The following CEP63 variants were observed in gnomAD, a reference collection of about 807,000 sequenced individuals.
CEP63 encodes centrosomal protein 63.
A neutral mutation model predicts 89.1 loss-of-function variants in CEP63; 84 were observed. That is an observed-to-expected ratio of 0.94 (90% CI 0.79 to 1.13). The LOEUF (loss-of-function observed/expected upper bound fraction) is 1.13. CEP63 is among the 50% of genes most tolerant of loss of function. CEP63 has a pLI of 0.00. For missense variants in CEP63, 838 were observed against 813.3 expected, an observed-to-expected ratio of 1.03 and a Z score of -0.37; for synonymous variants, 267 against 272.5, an observed-to-expected ratio of 0.98 and a Z score of 0.20.
downstream of CEP63, among the ~76,000 whole-genome samples, chr3:134,569,861 G>A (rs887126242): frequency 2.0e-5 from 3 of 152,202 alleles, no homozygotes; most frequent in Non-Finnish European, 4.4e-5. Flanking sequence ...ATATGCAAGC[G>A]TTTCTATACA....
intron 2 of CEP63, among the ~76,000 whole-genome samples, chr3:134,497,230 C>G (rs1940405290): frequency 6.6e-6 from 1 of 152,104 alleles, no homozygotes; most frequent in Admixed American, 6.6e-5. Flanking sequence ...GTCTTTGACT[C>G]TATTGTTTCC....
At chr3:134,753,572 C>A in the CEP63 span, among the ~76,000 whole-genome samples, 1 of 152,216 alleles carries the variant, frequency 6.6e-6, no homozygotes, top group Admixed American at 6.5e-5. Context: ...CAAGCAAGCA[C>A]CTCATGATTT....
the CEP63 span, chr3:134,604,521 T>C: frequency 6.8e-7 from 1 of 1,475,490 alleles, no homozygotes; most frequent in Non-Finnish European, 9.2e-7. Flanking sequence ...CAGCACGTGC[T>C]GATGTGCTGG....
the CEP63 span, among the ~76,000 whole-genome samples, chr3:134,768,534 C>T: frequency 2.6e-5 from 4 of 152,172 alleles, no homozygotes; most frequent in African/African-American, 7.2e-5. Context: ...TCAGCATTGG[C>T]ATACCTTCTC....
the CEP63 span, among the ~76,000 whole-genome samples, chr3:134,657,526 T>G: frequency 6.6e-6 from 1 of 152,240 alleles, no homozygotes; most frequent in Non-Finnish European, 1.5e-5. Flanking sequence ...TTTAAAAGAT[T>G]GCTTAGTCAC....
the CEP63 span, among the ~76,000 whole-genome samples, chr3:134,700,865 T>G: frequency 6.6e-6 from 1 of 152,096 alleles, no homozygotes; most frequent in African/African-American, 2.4e-5. Context: ...ACCAGCTCCT[T>G]CTTGGCTCCC....
chr3:134,679,184 AT>A, the CEP63 span, among the ~76,000 whole-genome samples: 3 of 152,214 alleles, frequency 2.0e-5, no homozygotes, highest in Admixed American at 6.5e-5. Context: ...TAATGCTGCC[AT>A]TTATTTGCTT....
At chr3:134,487,136 T>C (rs1281388501) in intron 1 of CEP63, among the ~76,000 whole-genome samples, 1 of 152,244 alleles carries the variant, frequency 6.6e-6, no homozygotes, top group Non-Finnish European at 1.5e-5. Context: ...CCTGTATTTA[T>C]ACAGTTCCTC....
At chr3:134,678,477 C>T in the CEP63 span, among the ~76,000 whole-genome samples, 1 of 152,142 alleles carries the variant, frequency 6.6e-6, no homozygotes, top group African/African-American at 2.4e-5. Flanking sequence ...GTTCCTGGTG[C>T]CTAGTGTAAT....
At chr3:134,537,296 A>C (rs1377132454) in intron 6 of CEP63, 28 bp downstream of exon 6, 2 of 1,410,848 alleles carry the variant, frequency 1.4e-6, no homozygotes, top group South Asian at 2.3e-5. Context: ...TAAAATAATG[A>C]GAAGCAGATA....
At chr3:134,592,491 T>C (rs1225751980), downstream of CEP63, among the ~76,000 whole-genome samples, 1 of 150,674 alleles carries the variant, frequency 6.6e-6, no homozygotes, top group Non-Finnish European at 1.5e-5. Context: ...TGTGTGTGTG[T>C]GTGTGTGTGT....
chr3:134,764,952 C>T, the CEP63 span, among the ~76,000 whole-genome samples: 139 of 152,266 alleles, frequency 9.1e-4, no homozygotes, highest in Admixed American at 1.2e-3. Context: ...AATCCTTTAA[C>T]GTTTTCACTC....
At chr3:134,662,857 G>A in the CEP63 span, among the ~76,000 whole-genome samples, 2 of 152,332 alleles carry the variant, frequency 1.3e-5, no homozygotes, top group Middle Eastern at 3.4e-3. Context: ...GCCAGGTTGT[G>A]CCTGTTTGAC....
chr3:134,638,618 C>A, the CEP63 span, among the ~76,000 whole-genome samples: 2 of 152,376 alleles, frequency 1.3e-5, no homozygotes, highest in African/African-American at 4.8e-5. Flanking sequence ...TCCCTGGCCC[C>A]TTTCCTAGAC....
At chr3:134,703,663 G>C in the CEP63 span, among the ~76,000 whole-genome samples, 122 of 152,198 alleles carry the variant, frequency 8.0e-4, no homozygotes, top group Non-Finnish European at 1.3e-3. Context: ...AGATCAAGAA[G>C]AATAGCTAAT....
chr3:134,548,609 A>G (rs1954123135), intron 9 of CEP63, among the ~76,000 whole-genome samples: 1 of 152,244 alleles, frequency 6.6e-6, no homozygotes, highest in Admixed American at 6.5e-5. Context: ...TTAGGCAAAC[A>G]ACAAGAGAAA....
At chr3:134,734,730 A>G in the CEP63 span, among the ~76,000 whole-genome samples, 14 of 152,292 alleles carry the variant, frequency 9.2e-5, no homozygotes, top group South Asian at 2.9e-3. Flanking sequence ...CATGGTATTT[A>G]TGTTCTATAA....
the CEP63 span, among the ~76,000 whole-genome samples, chr3:134,716,772 A>C: frequency 2.0e-5 from 3 of 152,198 alleles, no homozygotes; most frequent in Non-Finnish European, 4.4e-5. Flanking sequence ...ATTTGAAAAG[A>C]CAATAATTTT....
the CEP63 span, among the ~76,000 whole-genome samples, chr3:134,727,457 G>T: frequency 6.6e-6 from 1 of 152,112 alleles, no homozygotes; most frequent in Non-Finnish European, 1.5e-5. Context: ...ACAAGGCCTT[G>T]GTTATTCATT....
Sources: gnomAD v4.1 joint callset for allele counts (sites outside exome capture counted in the v4.1 genomes callset) on GRCh38, gnomAD v4.1.1 for gene constraint, MANE v1.5 for transcripts, NCBI Gene and HGNC (gene_info 2026-07-23, HGNC 2026-07-21) for gene names.